The following CHST8 variants were observed in gnomAD, a reference collection of about 807,000 sequenced individuals.
CHST8 encodes the protein GALNAC-4-ST1.
Under a neutral mutation model 15.0 loss-of-function variants are expected in CHST8, and 10 were observed. That is an observed-to-expected ratio of 0.67 (90% confidence interval 0.41 to 1.13). The LOEUF (loss-of-function observed/expected upper bound fraction) is 1.13, where lower values mean the gene tolerates loss of function less well. Among genes scored for constraint, CHST8 ranks in the 50% most tolerant of loss-of-function variants. CHST8 has a pLI of 0.00. For missense variants in CHST8, 634 were observed against 608.2 expected (o/e 1.04, Z -0.45); for synonymous variants, 259 against 256.6 (o/e 1.01, Z -0.09).
intron 3 of CHST8, among the ~76,000 whole-genome samples, chr19:33,766,234 C>G (rs1974839730): frequency 6.6e-6 from 1 of 152,028 alleles, no homozygotes; most frequent in South Asian, 2.1e-4. Flanking sequence ...TCCCTTCCCT[C>G]TCTCTTTCTC....
intron 3 of CHST8, among the ~76,000 whole-genome samples, chr19:33,711,998 G>GT (rs1477562723): frequency 6.6e-6 from 1 of 152,184 alleles, no homozygotes; most frequent in Non-Finnish European, 1.5e-5. Context: ...CAACGTGGAA[G>GT]TTTAGACAGG....
chr19:33,728,492 T>C (rs1333430214), intron 3 of CHST8, among the ~76,000 whole-genome samples: 1 of 152,178 alleles, frequency 6.6e-6, no homozygotes, highest in African/African-American at 2.4e-5. Context: ...GTGCCAGCAA[T>C]GCCAGGCAAA....
rs571521412 is a variant in CHST8, at chr19:33,755,727, G to A, written c.131-15686G>A. ...GCCTGGAGGGGCTGCCTCTGTGTCCGTGGTGGGCTCTCTTCGTCCCGAGAG... is the reference window on the plus strand; with the variant it reads ...GCCTGGAGGGGCTGCCTCTGTGTCCATGGTGGGCTCTCTTCGTCCCGAGAG... On this transcript the variant is annotated intron_variant, in intron 3 of 4. Coordinates refer to ENST00000650847, the MANE Select transcript of CHST8 (RefSeq NM_001127895.2). Among the ~76,000 whole-genome samples, 10 of 152,354 alleles carry A rather than the reference G, an allele frequency of 6.6e-5. No individual in the cohort carries two copies. The South Asian group carries it at 1.5e-3, about 22-fold the overall frequency.
chr19:33,633,715 T>C (rs886823504), intron 1 of CHST8, among the ~76,000 whole-genome samples: 9 of 151,838 alleles, frequency 5.9e-5, no homozygotes, highest in African/African-American at 2.2e-4. Context: ...ATTCCTGATG[T>C]ACTTAGAAGA....
intron 3 of CHST8, among the ~76,000 whole-genome samples, chr19:33,702,727 T>C (rs368544843): frequency 6.6e-6 from 1 of 152,200 alleles, no homozygotes; most frequent in East Asian, 1.9e-4. Context: ...TCACCTGCCG[T>C]GTGAGTCACA....
intron 3 of CHST8, among the ~76,000 whole-genome samples, chr19:33,757,512 AAGAAAGAAAGAG>A (rs1599630214): frequency 2.3e-5 from 1 of 43,034 alleles, no homozygotes; most frequent in South Asian, 6.7e-4. Flanking sequence ...GAAAGAAAGA[AAGAAAGAAAGAG>A]AAAGAAAGAA....
At chr19:33,735,366 C>G (rs926505303) in intron 3 of CHST8, among the ~76,000 whole-genome samples, 1 of 152,258 alleles carries the variant, frequency 6.6e-6, no homozygotes, top group Non-Finnish European at 1.5e-5. Context: ...AAATGCACCC[C>G]TGGCAGCAGG....
chr19:33,757,626 C>CAGAA (rs1974629150), intron 3 of CHST8, among the ~76,000 whole-genome samples: 1 of 149,628 alleles, frequency 6.7e-6, no homozygotes, highest in Non-Finnish European at 1.5e-5. Context: ...CAGAAGGGAG[C>CAGAA]AGAAAGGGGC....
At chr19:33,770,544 G>A (rs1178692936) in intron 3 of CHST8, among the ~76,000 whole-genome samples, 1 of 152,208 alleles carries the variant, frequency 6.6e-6, no homozygotes, top group Non-Finnish European at 1.5e-5. Flanking sequence ...CCCCAAAGCA[G>A]ACCAAATGAG....
chr19:33,647,379 G>A (rs1000112596), intron 1 of CHST8, among the ~76,000 whole-genome samples: 1 of 152,218 alleles, frequency 6.6e-6, no homozygotes, highest in African/African-American at 2.4e-5. Flanking sequence ...TGGCAGGCCA[G>A]GTGGGTGAGG....
chr19:33,750,161 G>T (rs1022529518), intron 3 of CHST8, among the ~76,000 whole-genome samples: 1 of 152,210 alleles, frequency 6.6e-6, no homozygotes, highest in African/African-American at 2.4e-5. Flanking sequence ...CCTAAGGGGG[G>T]TGGTGACAGC....
At chr19:33,748,415 G>A (rs1490149826) in intron 3 of CHST8, among the ~76,000 whole-genome samples, 1 of 152,250 alleles carries the variant, frequency 6.6e-6, no homozygotes, top group African/African-American at 2.4e-5. Context: ...AGGGCTACCC[G>A]CTCGTTGGTG....
chr19:33,702,668 G>C (rs536111771), intron 3 of CHST8, among the ~76,000 whole-genome samples: 1 of 152,308 alleles, frequency 6.6e-6, no homozygotes, highest in Admixed American at 6.5e-5. Context: ...TCTCCACAGT[G>C]GCCAATTGTT....
chr19:33,646,869 C>T (rs755852083), intron 1 of CHST8, among the ~76,000 whole-genome samples: 1 of 152,090 alleles, frequency 6.6e-6, no homozygotes, highest in Non-Finnish European at 1.5e-5. Context: ...GAGCCAAGAT[C>T]GCTCCCTTGC....
chr19:33,701,548 C>T (rs1171960028), intron 3 of CHST8, among the ~76,000 whole-genome samples: 7 of 152,082 alleles, frequency 4.6e-5, no homozygotes, highest in Non-Finnish European at 1.5e-5. Flanking sequence ...AAAATTGGGA[C>T]AATCATGTCC....
intron 2 of CHST8, among the ~76,000 whole-genome samples, chr19:33,671,714 C>G (rs777288657): frequency 2.0e-5 from 3 of 151,996 alleles, no homozygotes; most frequent in Admixed American, 6.6e-5. Flanking sequence ...TCCTCCTCCC[C>G]CTACTGTGTT....
chr19:33,757,605 A>AAAGAAAGAAAGGAAGG (rs1365725815), intron 3 of CHST8, among the ~76,000 whole-genome samples: 3 of 112,996 alleles, frequency 2.7e-5, no homozygotes, highest in African/African-American at 1.1e-4. Flanking sequence ...AGAAAGAAAG[A>AAAGAAAGAAAGGAAGG]GCCGGCCATT....
At chr19:33,660,549 C>T (rs956899863) in intron 1 of CHST8, among the ~76,000 whole-genome samples, 38 of 152,106 alleles carry the variant, frequency 2.5e-4, no homozygotes, top group Admixed American at 2.0e-3. Context: ...AAAGCAGTCC[C>T]GGGCTGCCCT....
At chr19:33,718,516 T>C (rs886342021) in intron 3 of CHST8, among the ~76,000 whole-genome samples, 6 of 152,200 alleles carry the variant, frequency 3.9e-5, no homozygotes, top group African/African-American at 1.4e-4. Context: ...AGCTAGCATG[T>C]CCCCTTCACC....
Sources: gnomAD v4.1 joint callset for allele counts (sites outside exome capture counted in the v4.1 genomes callset) on GRCh38, gnomAD v4.1.1 for gene constraint, MANE v1.5 for transcripts, NCBI Gene and HGNC (gene_info 2026-07-23, HGNC 2026-07-21) for gene names.